The following PPP2R2C variants were observed in gnomAD, a reference collection of about 807,000 sequenced individuals.
PPP2R2C encodes protein phosphatase 2, regulatory subunit B, gamma.
PPP2R2C carries 10 observed loss-of-function variants against 45.3 expected under a neutral mutation model. The observed-to-expected ratio is 0.22, with a 90% CI of 0.14 to 0.37. PPP2R2C has a LOEUF of 0.37. Among genes scored for constraint, PPP2R2C ranks in the 10% least tolerant of loss-of-function variants. PPP2R2C has a pLI of 1.00. For synonymous variants in PPP2R2C, 257 were observed against 245.4 expected, an observed-to-expected ratio of 1.05 and a Z score of -0.44; for missense variants, 308 against 619.7, an observed-to-expected ratio of 0.50 and a Z score of 5.34.
rs938044105 is a variant in PPP2R2C at position 6,563,281 on chromosome 4, C to T, written c.-59+279G>A. Among the ~76,000 whole-genome samples, 25 of 152,232 alleles carry T rather than the reference C, an allele frequency of 1.6e-4. No homozygotes were observed. The highest frequency in any genetic ancestry group is 2.4e-4 in the Non-Finnish European group (16 of 67,998). On this transcript the variant is annotated intron_variant, in intron 1 of 9. Coordinates refer to the PPP2R2C transcript ENST00000506140. The surrounding 1 kb of genome is among the most constrained non-coding windows in gnomAD (Gnocchi z 5.8). The stretch of plus-strand genomic sequence containing the variant: ...GGTTCCAAGCCGGTTCTGTCGGGTT[C>T]CCTCAAGACCCCGAGAGCACGCGCT...
At chr4:6,426,000 C>T (rs1205034709) in intron 1 of PPP2R2C, among the ~76,000 whole-genome samples, 2 of 152,146 alleles carry the variant, frequency 1.3e-5, no homozygotes, top group Non-Finnish European at 2.9e-5. Context: ...CGGGATGAGC[C>T]TGTTCCTGGG....
At position 6,324,013 on chromosome 4, in the gene PPP2R2C, C is replaced by CA. The variant is rs1731744520; in HGVS notation, c.1053-421dup. ...CATCACTCCCTGGAAAGGGAAACCA[C>CA]ACCTGCCTCTATTCCCCTGTATCTT... is the stretch of plus-strand genomic sequence containing the variant. On this transcript the variant is annotated intron_variant, in intron 8 of 8. Coordinates refer to ENST00000382599, the MANE Select transcript of PPP2R2C (RefSeq NM_020416.4). The surrounding 1 kb of genome is among the most constrained non-coding windows in gnomAD (Gnocchi z 4.1). Among the ~76,000 whole-genome samples, 1 of 152,218 alleles carries CA rather than the reference C, an allele frequency of 6.6e-6. No homozygotes were observed. The highest frequency in any genetic ancestry group is 1.5e-5 in the Non-Finnish European group (1 of 68,040).
intron 1 of PPP2R2C, among the ~76,000 whole-genome samples, chr4:6,399,732 G>C (rs17721784): frequency 0.28 from 42,011 of 152,164 alleles, 6,575 homozygotes; most frequent in East Asian, 0.71. Flanking sequence ...TGCTGAGAAA[G>C]GCAGAGTGAG....
rs367737843 is a variant in PPP2R2C, at chr4:6,374,978, CT to C, written c.447+840del. ...GTTAAGTGTCTTGGGATGTGTGTGA[CT>C]TACAGAGAAAAATCTCCAACGCTGG... On this transcript the variant is annotated intron_variant, in intron 4 of 8. Transcript: ENST00000382599. Among the ~76,000 whole-genome samples, 384 of 152,250 alleles carry C rather than the reference CT, an allele frequency of 2.5e-3. 2 individuals are homozygous for C. The highest frequency in any genetic ancestry group is 8.1e-3 in the African/African-American group (338 of 41,554).
chr4:6,550,428 A>C (rs1216097352), intron 1 of PPP2R2C, among the ~76,000 whole-genome samples: 1 of 152,150 alleles, frequency 6.6e-6, no homozygotes, highest in Non-Finnish European at 1.5e-5. Flanking sequence ...AGCTGCACAG[A>C]ACTTCACCCT....
intron 4 of PPP2R2C, 113 bp from the exon 5 acceptor site, chr4:6,372,813 C>CATCCTG (rs1199329411): frequency 3.3e-5 from 36 of 1,077,668 alleles, no homozygotes; most frequent in Non-Finnish European, 4.7e-5. Context: ...GGTGGGCGTC[C>CATCCTG]ATCCTGATCC....
chr4:6,481,772 A>G (rs1722357440), intron 2 of PPP2R2C, among the ~76,000 whole-genome samples: 1 of 152,102 alleles, frequency 6.6e-6, no homozygotes. Flanking sequence ...TGAGGTCAGG[A>G]GTTCGAGACA....
Position 6,348,333 on chromosome 4 carries a change from G to A in PPP2R2C, c.626-323C>T, listed in dbSNP as rs1309370215. ...CCAGCCACACATAGCACTGACCTGTGGAGCCCCTCTCCTCTGCCTTCCTTC... is the reference window on the plus strand; with the variant it reads ...CCAGCCACACATAGCACTGACCTGTAGAGCCCCTCTCCTCTGCCTTCCTTC... On this transcript the variant is annotated intron_variant, in intron 5 of 8. Coordinates refer to ENST00000382599, the MANE Select transcript of PPP2R2C (RefSeq NM_020416.4). Among the ~76,000 whole-genome samples, 11 of 151,854 alleles carry A rather than the reference G, an allele frequency of 7.2e-5. 1 individual carries two copies. Among genetic ancestry groups the A allele is most frequent in the African/African-American group, 2.7e-4 (11 of 41,408 alleles).
rs1732266896 is a variant in PPP2R2C at position 6,329,843 on chromosome 4, G to A, written c.961-490C>T. On this transcript the variant is annotated intron_variant, in intron 7 of 8. Coordinates refer to ENST00000382599, the MANE Select transcript of PPP2R2C (RefSeq NM_020416.4). This position sits in a 1 kb window ranked among gnomAD's most constrained non-coding sequence, Gnocchi z 5.8. Reference sequence around the variant, plus strand: ...TCTGCCCTCCCAGCTGTGTGATCTTGGACAAGTGATTTCATCTCTCTGAGC... The same window carrying A: ...TCTGCCCTCCCAGCTGTGTGATCTTAGACAAGTGATTTCATCTCTCTGAGC... Among the ~76,000 whole-genome samples, 1 of 152,184 alleles carries A rather than the reference G, an allele frequency of 6.6e-6. No individual in the cohort carries two copies. The highest frequency in any genetic ancestry group is 1.5e-5 in the Non-Finnish European group (1 of 68,024).
chr4:6,454,745 G>A (rs1720925827), intron 1 of PPP2R2C, among the ~76,000 whole-genome samples: 1 of 152,112 alleles, frequency 6.6e-6, no homozygotes, highest in Non-Finnish European at 1.5e-5. Context: ...CTCACTGTGT[G>A]GCCTTCGTCC....
Position 6,551,039 on chromosome 4 carries a change from G to C in PPP2R2C, c.-59+12521C>G, listed in dbSNP as rs370660053. Among the ~76,000 whole-genome samples, 33 of 152,304 alleles carry C rather than the reference G, an allele frequency of 2.2e-4. No homozygotes were observed. In the South Asian group the frequency reaches 6.4e-3, roughly 30 times the overall value. On this transcript the variant is annotated intron_variant, in intron 1 of 9. Coordinates refer to the PPP2R2C transcript ENST00000506140. ...CCTCGCCTCCGGGGCCATGGAGCCT[G>C]GTGGTTATGCACAAGCCTCTCCAGT... is the stretch of plus-strand genomic sequence containing the variant.
intron 1 of PPP2R2C, among the ~76,000 whole-genome samples, chr4:6,390,582 C>T (rs1052444973): frequency 6.6e-6 from 1 of 152,196 alleles, no homozygotes; most frequent in Non-Finnish European, 1.5e-5. Flanking sequence ...CAAGTCTGGG[C>T]GGAGTCAGAC....
At chr4:6,393,002 G>A (rs551714257) in intron 1 of PPP2R2C, among the ~76,000 whole-genome samples, 8 of 152,308 alleles carry the variant, frequency 5.3e-5, no homozygotes, top group East Asian at 1.9e-4. Context: ...GAGGAAAGGC[G>A]TTGCATCATG....
chr4:6,520,812 G>A (rs1723995232), intron 2 of PPP2R2C, among the ~76,000 whole-genome samples: 1 of 152,226 alleles, frequency 6.6e-6, no homozygotes, highest in Admixed American at 6.5e-5. Context: ...TCGGGTCACA[G>A]ATTCTTCCCA....
At chr4:6,401,281 A>C (rs535069976) in intron 1 of PPP2R2C, among the ~76,000 whole-genome samples, 13 of 152,284 alleles carry the variant, frequency 8.5e-5, no homozygotes, top group Non-Finnish European at 1.3e-4. Flanking sequence ...AGTTTCGCCA[A>C]AGCAACCCAC....
intron 1 of PPP2R2C, among the ~76,000 whole-genome samples, chr4:6,426,377 G>A (rs147717865): frequency 6.6e-6 from 1 of 152,308 alleles, no homozygotes; most frequent in East Asian, 1.9e-4. Context: ...AGCACTTCCT[G>A]CAGCCTACTG....
rs77569833 is a variant in PPP2R2C at position 6,543,999 on chromosome 4, G to C, written c.-58-8622C>G. 4.8e-3 allele frequency among the ~76,000 whole-genome samples: 724 copies of C among 152,264 alleles called. 1 individual carries two copies. Among genetic ancestry groups the C allele is most frequent in the Middle Eastern group, 0.017 (5 of 294 alleles). On this transcript the variant is annotated intron_variant, in intron 1 of 9. Transcript: ENST00000506140. ...CAAGGATCTGCCTTCCATGGAAGACGCTCAAGTCCCCAGAGTGGACTGCCC... is the reference window on the plus strand; with the variant it reads ...CAAGGATCTGCCTTCCATGGAAGACCCTCAAGTCCCCAGAGTGGACTGCCC...
rs770958776 is a variant in PPP2R2C, at chr4:6,321,320, C to T, written c.*1982G>A. On this transcript the variant is annotated 3_prime_UTR_variant, in exon 9 of 9. Coordinates refer to ENST00000382599, the MANE Select transcript of PPP2R2C (RefSeq NM_020416.4). ...CCTCAGAGCTGGGTTTTGGCTTTAA[C>T]ACGCTATCTATACAATTGACCACAT... 6 of 152,490 alleles carry T rather than the reference C, an allele frequency of 3.9e-5. No individual in the cohort carries two copies. The highest frequency in any genetic ancestry group is 7.3e-5 in the Non-Finnish European group (5 of 68,040). The allele number at this position is 152,490 out of a possible 1,614,324, so 9.4% of individuals were successfully genotyped here. A position where few individuals can be genotyped will look rare whatever the true frequency, so the allele number is the denominator to read the frequency against.
intron 2 of PPP2R2C, among the ~76,000 whole-genome samples, chr4:6,533,209 C>G (rs1446917691): frequency 6.6e-6 from 1 of 152,146 alleles, no homozygotes; most frequent in Non-Finnish European, 1.5e-5. Flanking sequence ...ATGCCCGAGA[C>G]CCAGAAGAGA....
Sources: gnomAD v4.1 joint callset for allele counts (sites outside exome capture counted in the v4.1 genomes callset) on GRCh38, gnomAD v4.1.1 for gene constraint, Gnocchi (gnomAD v3.1) non-coding constraint, MANE v1.5 for transcripts, NCBI Gene and HGNC (gene_info 2026-07-23, HGNC 2026-07-21) for gene names.